The following ANKIB1 variants were observed in gnomAD, a reference collection of about 807,000 sequenced individuals.
The protein encoded by ANKIB1 is ankyrin repeat and IBR domain containing 1.
In ANKIB1, 43 loss-of-function variants were observed where a neutral mutation model predicts 122.1. The observed-to-expected ratio is 0.35, with a 90% CI of 0.28 to 0.45. ANKIB1 has a LOEUF of 0.45. Ranked by LOEUF, ANKIB1 falls within the 20% of genes least tolerant of loss-of-function variation. The probability of loss-of-function intolerance (pLI) is 1.00; values close to 1 mark genes in which losing one functional copy is unlikely to be tolerated. For missense variants in ANKIB1, 992 were observed against 1,329.5 expected, an observed-to-expected ratio of 0.75 and a Z score of 3.95; for synonymous variants, 390 against 442.0, an observed-to-expected ratio of 0.88 and a Z score of 1.48.
chr7:92,330,258 T>C (rs944641043), intron 5 of ANKIB1, among the ~76,000 whole-genome samples: 1 of 152,216 alleles, frequency 6.6e-6, no homozygotes, highest in East Asian at 1.9e-4. Context: ...CTTTATTTGC[T>C]TCTTTTCCTT....
chr7:92,375,633 T>C (rs1189629981), intron 11 of ANKIB1, among the ~76,000 whole-genome samples: 2 of 152,224 alleles, frequency 1.3e-5, no homozygotes, highest in African/African-American at 2.4e-5. Flanking sequence ...TCTACTGAAG[T>C]TTTGAACTCT....
intron 1 of ANKIB1, among the ~76,000 whole-genome samples, chr7:92,285,415 G>C (rs1802099931): frequency 1.3e-5 from 2 of 152,212 alleles, no homozygotes; most frequent in African/African-American, 4.8e-5. Flanking sequence ...AAAGTATAAG[G>C]CATGTTTTTA....
At chr7:92,360,525 T>C (rs1392706901) in intron 9 of ANKIB1, among the ~76,000 whole-genome samples, 1 of 152,202 alleles carries the variant, frequency 6.6e-6, no homozygotes, top group African/African-American at 2.4e-5. Context: ...TTCCCCCTTT[T>C]AGCTGTTGTG....
intron 7 of ANKIB1, among the ~76,000 whole-genome samples, chr7:92,346,426 T>C (rs1803541254): frequency 6.6e-6 from 1 of 152,172 alleles, no homozygotes; most frequent in Non-Finnish European, 1.5e-5. Flanking sequence ...CATTTCTTTA[T>C]CTGTTTTCCA....
At chr7:92,281,854 C>T (rs1021069553) in intron 1 of ANKIB1, among the ~76,000 whole-genome samples, 4 of 152,030 alleles carry the variant, frequency 2.6e-5, no homozygotes, top group African/African-American at 9.7e-5. Flanking sequence ...GAATTGTTGT[C>T]TTTTAATATT....
At chr7:92,362,982 T>C (rs1462716583) in intron 10 of ANKIB1, among the ~76,000 whole-genome samples, 3 of 151,984 alleles carry the variant, frequency 2.0e-5, no homozygotes, top group African/African-American at 7.3e-5. Context: ...TAATTTCCCA[T>C]CTTCTAAAGT....
intron 5 of ANKIB1, among the ~76,000 whole-genome samples, chr7:92,334,503 G>A (rs1179919923): frequency 1.8e-4 from 27 of 151,848 alleles, no homozygotes; most frequent in Admixed American, 1.8e-3. Context: ...CCTGATTTAG[G>A]TATGAAGAAA....
rs1326025001 is a variant in ANKIB1, at chr7:92,343,236, T to G, written c.996+4T>G. 6.2e-7 allele frequency: 1 copy of G among 1,611,786 alleles called. No individual in the cohort carries two copies. The highest frequency in any genetic ancestry group is 8.5e-7 in the Non-Finnish European group (1 of 1,178,306). On this transcript the variant is annotated splice_donor_region_variant and intron_variant, in intron 6 of 19. Transcript: ENST00000265742. ...TGGGGATTTAGACACCAGTTTGGTATGGTTTGGTATTCACTGTACTTCTCA... is the reference window on the plus strand; with the variant it reads ...TGGGGATTTAGACACCAGTTTGGTAGGGTTTGGTATTCACTGTACTTCTCA...
At chr7:92,380,297 G>T (rs904074749) in intron 11 of ANKIB1, among the ~76,000 whole-genome samples, 1 of 152,124 alleles carries the variant, frequency 6.6e-6, no homozygotes, top group Non-Finnish European at 1.5e-5. Flanking sequence ...CTCCACCTCT[G>T]GGGGCAGGGC....
At chr7:92,396,787 G>A (rs1804905159) in intron 18 of ANKIB1, among the ~76,000 whole-genome samples, 1 of 152,130 alleles carries the variant, frequency 6.6e-6, no homozygotes, top group South Asian at 2.1e-4. Flanking sequence ...TAGGCTCATT[G>A]TGAGTATTAA....
At chr7:92,327,757 T>G (rs1803058588) in intron 4 of ANKIB1, 26 bp from the exon 5 acceptor site, 1 of 1,358,924 alleles carries the variant, frequency 7.4e-7, no homozygotes, top group Non-Finnish European at 1.0e-6. Context: ...AATGCCCATT[T>G]AACTTTATTT....
chr7:92,369,745 G>A (rs1407392881), intron 10 of ANKIB1, among the ~76,000 whole-genome samples: 1 of 152,072 alleles, frequency 6.6e-6, no homozygotes, highest in Non-Finnish European at 1.5e-5. Context: ...TGATTTTCTG[G>A]CATCTCTTTG....
At chr7:92,308,566 C>T (rs35149498) in intron 3 of ANKIB1, among the ~76,000 whole-genome samples, 8,323 of 152,002 alleles carry the variant, frequency 0.055, 294 homozygotes, top group Middle Eastern at 0.076. Context: ...CGTTAAAGTG[C>T]TCCTGAATAC....
intron 1 of ANKIB1, among the ~76,000 whole-genome samples, chr7:92,267,040 G>A (rs1473119797): frequency 1.3e-5 from 2 of 152,144 alleles, no homozygotes; most frequent in African/African-American, 4.8e-5. Context: ...AAACAGTCAG[G>A]GAGTGGTGAG....
chr7:92,371,163 A>G (rs964601555), intron 10 of ANKIB1, among the ~76,000 whole-genome samples: 5 of 147,228 alleles, frequency 3.4e-5, no homozygotes, highest in African/African-American at 9.9e-5. Context: ...TTTTAAATGG[A>G]GTAATATGTT....
intron 9 of ANKIB1, among the ~76,000 whole-genome samples, chr7:92,358,341 G>A (rs1278286976): frequency 6.6e-6 from 1 of 151,860 alleles, no homozygotes; most frequent in Non-Finnish European, 1.5e-5. Context: ...TCCTTTCTTA[G>A]TATTGCATTG....
intron 3 of ANKIB1, among the ~76,000 whole-genome samples, chr7:92,308,557 G>A (rs978801640): frequency 2.6e-5 from 4 of 151,818 alleles, no homozygotes; most frequent in South Asian, 4.2e-4. Context: ...TTTAATTTGC[G>A]TTAAAGTGCT....
chr7:92,372,053 G>A (rs1467065747), intron 11 of ANKIB1, among the ~76,000 whole-genome samples: 2 of 144,990 alleles, frequency 1.4e-5, no homozygotes. Context: ...TAGATCTTTT[G>A]CAAAGCTGGT....
At chr7:92,365,347 C>T (rs1445214190) in intron 10 of ANKIB1, among the ~76,000 whole-genome samples, 1 of 152,184 alleles carries the variant, frequency 6.6e-6, no homozygotes, top group East Asian at 1.9e-4. Flanking sequence ...ATGTTGAAAG[C>T]TGATAGATGT....
Sources: gnomAD v4.1 joint callset for allele counts (sites outside exome capture counted in the v4.1 genomes callset) on GRCh38, gnomAD v4.1.1 for gene constraint, MANE v1.5 for transcripts, NCBI Gene and HGNC (gene_info 2026-07-23, HGNC 2026-07-21) for gene names.